SH3PXD2B: variants seen among roughly 807,000 people sequenced by gnomAD.
SH3PXD2B encodes the protein SH3 and PX domains 2B.
In SH3PXD2B, 37 loss-of-function variants were observed where a neutral mutation model predicts 73.1. That is an observed-to-expected ratio of 0.51 (90% CI 0.39 to 0.67). The LOEUF (loss-of-function observed/expected upper bound fraction) is 0.67. Among genes scored for constraint, SH3PXD2B ranks in the 30% least tolerant of loss-of-function variants. The pLI, the probability that SH3PXD2B is intolerant of heterozygous loss-of-function variation, is 0.00. For synonymous variants in SH3PXD2B, 457 were observed against 480.5 expected (o/e 0.95, Z 0.64); for missense variants, 1,053 against 1,197.8 (o/e 0.88, Z 1.78).
At chr5:172,331,401 G>A (rs549170606), downstream of SH3PXD2B, among the ~76,000 whole-genome samples, 2 of 152,110 alleles carry the variant, frequency 1.3e-5, no homozygotes, top group Admixed American at 6.6e-5. Context: ...TCTGTCTTTC[G>A]ACAAGCTCCC....
downstream of SH3PXD2B, among the ~76,000 whole-genome samples, chr5:172,331,667 C>T (rs947307140): frequency 1.2e-4 from 19 of 152,076 alleles, no homozygotes; most frequent in African/African-American, 1.2e-4. Flanking sequence ...AACAGTATGA[C>T]GGGGCTGGGC....
chr5:172,418,531 C>T (rs568123836), intron 2 of SH3PXD2B, among the ~76,000 whole-genome samples: 1 of 152,224 alleles, frequency 6.6e-6, no homozygotes, highest in African/African-American at 2.4e-5. Flanking sequence ...GGCTGCTTGC[C>T]AGACAAGAGG....
chr5:172,429,206 G>A (rs945201565), intron 1 of SH3PXD2B, among the ~76,000 whole-genome samples: 16 of 152,182 alleles, frequency 1.1e-4, no homozygotes, highest in African/African-American at 3.6e-4. Flanking sequence ...GCTTCTCCTT[G>A]GCAGGCCTTT....
chr5:172,422,500 C>G lies in SH3PXD2B; in HGVS notation c.76-4G>C. On this transcript the variant is annotated splice_region_variant and splice_polypyrimidine_tract_variant and intron_variant, in intron 1 of 12. Coordinates refer to ENST00000311601, the MANE Select transcript of SH3PXD2B (RefSeq NM_001017995.3). ...ACGTGACCCGGATGATGTAGACCTG[C>G]GGGAGCAACAGAGGAGATGGGTGTT... The G allele has an allele frequency of 6.2e-7, 1 of 1,610,476 alleles. No individual in the cohort carries two copies. Among genetic ancestry groups the G allele is most frequent in the Non-Finnish European group, 8.5e-7 (1 of 1,179,122 alleles).
At chr5:172,341,052 A>T (rs1756839023) in intron 12 of SH3PXD2B, among the ~76,000 whole-genome samples, 1 of 152,150 alleles carries the variant, frequency 6.6e-6, no homozygotes, top group Middle Eastern at 3.2e-3. Flanking sequence ...TGGTGGGTGG[A>T]ATCACTCATG....
At chr5:172,411,291 C>T (rs150410477) in intron 2 of SH3PXD2B, among the ~76,000 whole-genome samples, 249 of 152,122 alleles carry the variant, frequency 1.6e-3, no homozygotes, top group Non-Finnish European at 2.5e-3. Flanking sequence ...GAGTCCCTGC[C>T]TGAATGTACA....
chr5:172,440,215 G>A (rs1322041887), intron 1 of SH3PXD2B, among the ~76,000 whole-genome samples: 2 of 152,204 alleles, frequency 1.3e-5, no homozygotes, highest in African/African-American at 2.4e-5. Context: ...CACCCACTAC[G>A]CGCAAGGCAG....
intron 3 of SH3PXD2B, among the ~76,000 whole-genome samples, chr5:172,397,455 G>A (rs1423304274): frequency 4.6e-5 from 7 of 151,950 alleles, no homozygotes; most frequent in African/African-American, 4.8e-5. Context: ...CACCCTATTC[G>A]TACACTCCCT....
At chr5:172,333,402 T>C (rs1561886296), downstream of SH3PXD2B, 2 of 714,706 alleles carry the variant, frequency 2.8e-6, no homozygotes, top group East Asian at 1.1e-4. Flanking sequence ...TTCCCAAACA[T>C]AGCTGGCATA....
chr5:172,407,752 C>T (rs1388833104), intron 2 of SH3PXD2B, among the ~76,000 whole-genome samples: 2 of 152,128 alleles, frequency 1.3e-5, no homozygotes, highest in African/African-American at 2.4e-5. Flanking sequence ...GAGGGGAGGA[C>T]CCGAAGTGGG....
intron 5 of SH3PXD2B, among the ~76,000 whole-genome samples, chr5:172,378,048 A>G (rs1757855308): frequency 6.6e-6 from 1 of 151,460 alleles, no homozygotes; most frequent in African/African-American, 2.5e-5. Flanking sequence ...CTCTGCCACC[A>G]AAGAGAGGAA....
intron 7 of SH3PXD2B, among the ~76,000 whole-genome samples, chr5:172,362,387 C>T (rs1433723420): frequency 6.6e-6 from 1 of 152,172 alleles, no homozygotes; most frequent in Non-Finnish European, 1.5e-5. Flanking sequence ...GCAATGGAGC[C>T]TTCTCGGAGA....
intron 1 of SH3PXD2B, among the ~76,000 whole-genome samples, chr5:172,434,528 G>C (rs185756889): frequency 8.7e-4 from 132 of 152,314 alleles, no homozygotes; most frequent in African/African-American, 2.9e-3. Context: ...CCGGAGCTCT[G>C]TGAGCTCCCA....
At chr5:172,363,613 G>C (rs1033024852) in intron 6 of SH3PXD2B, among the ~76,000 whole-genome samples, 1 of 152,144 alleles carries the variant, frequency 6.6e-6, no homozygotes, top group African/African-American at 2.4e-5. Context: ...GCAGGGACCC[G>C]AGAGAGGAGG....
chr5:172,328,333 T>C (rs952903689), intron 12 of SH3PXD2B, among the ~76,000 whole-genome samples: 5 of 151,934 alleles, frequency 3.3e-5, no homozygotes, highest in African/African-American at 1.2e-4. Context: ...CTCGAACTCC[T>C]GACCTCATGA....
chr5:172,326,546 G>A (rs1003370478), intron 12 of SH3PXD2B, among the ~76,000 whole-genome samples: 11 of 152,178 alleles, frequency 7.2e-5, no homozygotes, highest in African/African-American at 2.7e-4. Context: ...TCATGATCAT[G>A]TTGAGGGAGG....
At chr5:172,424,723 T>C (rs1759057248) in intron 1 of SH3PXD2B, among the ~76,000 whole-genome samples, 1 of 152,200 alleles carries the variant, frequency 6.6e-6, no homozygotes, top group Non-Finnish European at 1.5e-5. Flanking sequence ...GCTTGGGCTC[T>C]AGAGTCAAGA....
At chr5:172,417,605 A>G (rs1462970829) in intron 2 of SH3PXD2B, among the ~76,000 whole-genome samples, 1 of 152,160 alleles carries the variant, frequency 6.6e-6, no homozygotes, top group African/African-American at 2.4e-5. Flanking sequence ...CAGAATTTGG[A>G]TCAAAGCCCA....
chr5:172,442,040 A>G (rs1348177808), intron 1 of SH3PXD2B, among the ~76,000 whole-genome samples: 1 of 152,216 alleles, frequency 6.6e-6, no homozygotes, highest in East Asian at 1.9e-4. Context: ...AAACTTGGGT[A>G]GTAAATAAAA....
Sources: allele counts gnomAD v4.1 joint callset (sites outside exome capture counted in the v4.1 genomes callset), GRCh38; gene constraint gnomAD v4.1.1; transcripts MANE v1.5; gene names NCBI Gene and HGNC (gene_info 2026-07-23, HGNC 2026-07-21).